The following CDH4 variants were observed in gnomAD, a reference collection of about 807,000 sequenced individuals.
CDH4 encodes cadherin 4.
Under a neutral mutation model 86.0 loss-of-function variants are expected in CDH4, and 33 were observed. The ratio of observed to expected loss-of-function variants is 0.38; its 90% CI spans 0.29 to 0.51. CDH4 has a LOEUF of 0.51. Among genes scored for constraint, CDH4 ranks in the 20% least tolerant of loss-of-function variants. CDH4 has a pLI of 0.86. For synonymous variants in CDH4, 555 were observed against 549.4 expected (o/e 1.01, Z -0.14); for missense variants, 1,114 against 1,307.4 (o/e 0.85, Z 2.28).
At chr20:61,567,064 G>A (rs998118274) in intron 2 of CDH4, among the ~76,000 whole-genome samples, 13 of 152,284 alleles carry the variant, frequency 8.5e-5, no homozygotes, top group African/African-American at 1.2e-4. Flanking sequence ...GCCCATATCC[G>A]TTAGCATGGG....
chr20:61,863,740 G>C (rs1427555498), intron 6 of CDH4, among the ~76,000 whole-genome samples: 1 of 148,052 alleles, frequency 6.8e-6, no homozygotes, highest in African/African-American at 2.4e-5. Flanking sequence ...TCTAGGTGCA[G>C]AGGAGGAGCC....
chr20:61,455,852 A>AGGTGT (rs1226394671), intron 2 of CDH4, among the ~76,000 whole-genome samples: 2 of 152,186 alleles, frequency 1.3e-5, no homozygotes, highest in African/African-American at 4.8e-5. Flanking sequence ...GCAAGCATGA[A>AGGTGT]GGAGCCAAAC....
intron 2 of CDH4, among the ~76,000 whole-genome samples, chr20:61,407,366 C>CGGT (rs2085090074): frequency 6.6e-6 from 1 of 152,194 alleles, no homozygotes; most frequent in Non-Finnish European, 1.5e-5. Flanking sequence ...TGGCATCTAG[C>CGGT]GGTTGATGCC....
intron 2 of CDH4, among the ~76,000 whole-genome samples, chr20:61,311,775 C>T (rs1473868859): frequency 6.6e-6 from 1 of 152,216 alleles, no homozygotes. Flanking sequence ...TGCGGTTTTA[C>T]TCAGTGATTC....
At chr20:61,680,991 C>CT (rs2087506256) in intron 2 of CDH4, among the ~76,000 whole-genome samples, 1 of 152,202 alleles carries the variant, frequency 6.6e-6, no homozygotes, top group Non-Finnish European at 1.5e-5. Context: ...CTATTTGTTC[C>CT]CTCCCTTTCC....
At position 61,793,717 on chromosome 20, in the gene CDH4, G is replaced by T. The variant is rs149763738; in HGVS notation, c.576+20535G>T. On this transcript the variant is annotated intron_variant, in intron 4 of 15. Coordinates refer to ENST00000614565, the MANE Select transcript of CDH4 (RefSeq NM_001794.5). ...TAGCTGGGCATGGTGGCAGACACCT[G>T]TAATCCCAGCTACTTGGGAGGCTGA... Among the ~76,000 whole-genome samples the T allele has an allele frequency of 4.1e-3, 629 of 151,974 alleles. 13 individuals carry two copies. The East Asian group carries it at 0.056, about 13-fold the overall frequency.
At chr20:61,479,797 C>T (rs940837176) in intron 2 of CDH4, among the ~76,000 whole-genome samples, 1 of 152,152 alleles carries the variant, frequency 6.6e-6, no homozygotes, top group African/African-American at 2.4e-5. Context: ...GTCACTCTGC[C>T]CCCACCTCCT....
intron 2 of CDH4, among the ~76,000 whole-genome samples, chr20:61,555,832 A>G (rs2086173156): frequency 6.6e-6 from 1 of 152,256 alleles, no homozygotes; most frequent in Non-Finnish European, 1.5e-5. Context: ...GTATTGCTCC[A>G]GGAAACATGA....
intron 2 of CDH4, among the ~76,000 whole-genome samples, chr20:61,532,375 C>T (rs150673157): frequency 3.3e-5 from 5 of 152,306 alleles, no homozygotes; most frequent in Middle Eastern, 3.4e-3. Flanking sequence ...CAGTTCAACA[C>T]GAGGCGGCAA....
chr20:61,261,569 G>C (rs918800998), intron 2 of CDH4, among the ~76,000 whole-genome samples: 1 of 152,130 alleles, frequency 6.6e-6, no homozygotes, highest in African/African-American at 2.4e-5. Flanking sequence ...ACTGATGATC[G>C]GTGAGTTCTG....
intron 7 of CDH4, among the ~76,000 whole-genome samples, chr20:61,885,378 T>C (rs934613211): frequency 2.0e-5 from 3 of 152,220 alleles, no homozygotes; most frequent in African/African-American, 4.8e-5. Flanking sequence ...ATTCTGGACA[T>C]TTCCTGTAAG....
chr20:61,397,023 A>G (rs1238344400), intron 2 of CDH4, among the ~76,000 whole-genome samples: 4 of 152,074 alleles, frequency 2.6e-5, no homozygotes, highest in Non-Finnish European at 5.9e-5. Flanking sequence ...CAATTCTCCC[A>G]CCTCAGCCCC....
At chr20:61,856,915 G>A (rs1396315882) in intron 6 of CDH4, among the ~76,000 whole-genome samples, 1 of 152,252 alleles carries the variant, frequency 6.6e-6, no homozygotes. Flanking sequence ...CCCTGGCTGA[G>A]ATGTGTTTCC....
At chr20:61,442,506 A>G (rs2085319911) in intron 2 of CDH4, among the ~76,000 whole-genome samples, 1 of 152,236 alleles carries the variant, frequency 6.6e-6, no homozygotes, top group Non-Finnish European at 1.5e-5. Context: ...TTTTAAGTAG[A>G]AGTGACATTT....
chr20:61,924,613 G>A (rs2055024800), intron 11 of CDH4, 137 bp downstream of exon 11: 3 of 933,364 alleles, frequency 3.2e-6, no homozygotes, highest in East Asian at 2.6e-5. Context: ...GGGCTGAGGG[G>A]GCATCTGTGC....
intron 11 of CDH4, among the ~76,000 whole-genome samples, chr20:61,927,906 G>A (rs1463037277): frequency 6.6e-6 from 1 of 152,222 alleles, no homozygotes; most frequent in Non-Finnish European, 1.5e-5. Context: ...AGCTGCGGGT[G>A]TGGGTGTGGC....
Position 61,743,704 on chromosome 20 carries a change from C to T in CDH4, c.311C>T (p.Ala104Val), listed in dbSNP as rs746397917. The T allele has an allele frequency of 2.5e-6, 4 of 1,610,594 alleles. No homozygotes were observed. The highest frequency in any genetic ancestry group is 3.4e-6 in the Non-Finnish European group (4 of 1,178,782). The change falls in exon 3 of 16, where the codon GCA (alanine) becomes GTA (valine). Residue 104 changes from alanine (A) to valine (V), a missense_variant. Ala to Val is a moderately conservative substitution (Grantham distance 64). Around this residue, in one of 3 missense-constraint regions of CDH4, gnomAD observed 221 missense variants for 209.5 expected, o/e 1.05. Transcript: ENST00000614565. Reference protein sequence around the residue: ...PSEQVAFTVTAWDSQTAEKWD... With the variant: ...PSEQVAFTVTVWDSQTAEKWD... Reference sequence around the variant, plus strand: ...GAGCAGGTGGCGTTCACGGTGACTGCATGGGACAGCCAGACAGCAGAGAAA... The same window carrying T: ...GAGCAGGTGGCGTTCACGGTGACTGTATGGGACAGCCAGACAGCAGAGAAA...
At position 61,383,405 on chromosome 20, in the gene CDH4, AATATATATG is replaced by A. The variant is rs1472051462; in HGVS notation, c.169+128486_169+128494del. Among the ~76,000 whole-genome samples the A allele has an allele frequency of 7.2e-4, 47 of 64,946 alleles. 4 individuals carry two copies. The highest frequency in any genetic ancestry group is 5.9e-4 in the Non-Finnish European group (25 of 42,162). The allele number at this position is 64,946 out of a possible 152,430, so 42.6% of individuals were successfully genotyped here. ...TATATATGAATATATGATATATATG[AATATATATG>A]ATATATATGATATATATCATATATG... On this transcript the variant is annotated intron_variant, in intron 2 of 15. Coordinates refer to ENST00000614565, the MANE Select transcript of CDH4 (RefSeq NM_001794.5).
intron 4 of CDH4, among the ~76,000 whole-genome samples, chr20:61,812,489 A>G (rs936789365): frequency 5.9e-5 from 9 of 152,198 alleles, no homozygotes; most frequent in Admixed American, 3.3e-4. Flanking sequence ...TACCGACTGC[A>G]CCAGCTTCCA....
Sources: gnomAD v4.1 joint callset for allele counts (sites outside exome capture counted in the v4.1 genomes callset) on GRCh38, gnomAD v4.1.1 for gene constraint, gnomAD v4.1.1 regional missense constraint, MANE v1.5 for transcripts, NCBI Gene and HGNC (gene_info 2026-07-23, HGNC 2026-07-21) for gene names.